The following FAM171A1 variants were observed in gnomAD, a reference collection of about 807,000 sequenced individuals.
FAM171A1 encodes the protein protein FAM171A1.
Under a neutral mutation model 74.9 loss-of-function variants are expected in FAM171A1, and 23 were observed. That is an observed-to-expected ratio of 0.31 (90% confidence interval 0.22 to 0.44). FAM171A1 has a LOEUF of 0.44. FAM171A1 is among the 20% of genes least tolerant of loss of function. The pLI is 1.00. For missense variants in FAM171A1, 1,162 were observed against 1,159.2 expected, an observed-to-expected ratio of 1.00 and a Z score of -0.03; for synonymous variants, 527 against 505.7, an observed-to-expected ratio of 1.04 and a Z score of -0.57.
chr10:15,351,567 C>G (rs920739151), intron 1 of FAM171A1, among the ~76,000 whole-genome samples: 5 of 146,350 alleles, frequency 3.4e-5, no homozygotes, highest in Admixed American at 6.8e-5. Flanking sequence ...AAAGTAGGGA[C>G]GATGGATGGA....
At chr10:15,266,672 C>A (rs1588521635) in intron 3 of FAM171A1, among the ~76,000 whole-genome samples, 1 of 151,954 alleles carries the variant, frequency 6.6e-6, no homozygotes, top group East Asian at 1.9e-4. Context: ...TCGAGACCAG[C>A]TTGGGCAACA....
At chr10:15,254,425 G>A (rs1201572665) in intron 4 of FAM171A1, among the ~76,000 whole-genome samples, 1 of 152,212 alleles carries the variant, frequency 6.6e-6, no homozygotes, top group African/African-American at 2.4e-5. Flanking sequence ...ATTTCAATAA[G>A]AATTTCTCTG....
intron 1 of FAM171A1, among the ~76,000 whole-genome samples, chr10:15,356,340 C>T (rs1015061412): frequency 6.6e-6 from 1 of 151,860 alleles, no homozygotes; most frequent in Non-Finnish European, 1.5e-5. Flanking sequence ...GAAAATTTCT[C>T]ATATATTTTC....
At chr10:15,293,885 C>T (rs1389704871) in intron 1 of FAM171A1, among the ~76,000 whole-genome samples, 1 of 152,182 alleles carries the variant, frequency 6.6e-6, no homozygotes, top group Non-Finnish European at 1.5e-5. Flanking sequence ...AGTCTTCCTC[C>T]CTTTGAGGAA....
chr10:15,315,732 C>T (rs996236484), intron 1 of FAM171A1, among the ~76,000 whole-genome samples: 1 of 152,112 alleles, frequency 6.6e-6, no homozygotes, highest in African/African-American at 2.4e-5. Flanking sequence ...ACCTGGTGTC[C>T]CCCCAACTCC....
Position 15,235,812 on chromosome 10 carries a change from G to A in FAM171A1, c.754+12827C>T, listed in dbSNP as rs569584231. Among the ~76,000 whole-genome samples, 17 of 152,272 alleles carry A rather than the reference G, an allele frequency of 1.1e-4. No individual in the cohort carries two copies. In the South Asian group the frequency reaches 3.5e-3, roughly 32 times the overall value. ...ATGATTCCCAGGCCTCAAAGAAGCG[G>A]TCTGGATCTACAGGCTTCAGTGGGA... is the stretch of plus-strand genomic sequence containing the variant. On this transcript the variant is annotated intron_variant, in intron 5 of 7. Transcript: ENST00000378116.
intron 1 of FAM171A1, among the ~76,000 whole-genome samples, chr10:15,313,397 C>T (rs1835387023): frequency 6.6e-6 from 1 of 152,220 alleles, no homozygotes; most frequent in Non-Finnish European, 1.5e-5. Flanking sequence ...CTAAAATTTT[C>T]CCTCTTGGAA....
chr10:15,331,257 G>A (rs7090124), intron 1 of FAM171A1, among the ~76,000 whole-genome samples: 42 of 152,298 alleles, frequency 2.8e-4, no homozygotes, highest in African/African-American at 8.9e-4. Flanking sequence ...CCCTGTGGAG[G>A]GGAGGCGTCA....
At chr10:15,252,238 T>C (rs540804725) in intron 4 of FAM171A1, among the ~76,000 whole-genome samples, 2 of 152,272 alleles carry the variant, frequency 1.3e-5, no homozygotes, top group South Asian at 4.1e-4. Flanking sequence ...AAAGAGAAGA[T>C]GCTTCTCCAC....
At chr10:15,263,855 CT>C (rs1834699483) in intron 3 of FAM171A1, among the ~76,000 whole-genome samples, 635 of 12,476 alleles carry the variant, frequency 0.051, no homozygotes, top group African/African-American at 0.11. Context: ...TCTCATCTAT[CT>C]ATCTATCTAT....
chr10:15,251,402 A>C (rs1269154726), intron 4 of FAM171A1, among the ~76,000 whole-genome samples: 2 of 132,484 alleles, frequency 1.5e-5, no homozygotes, highest in East Asian at 2.1e-4. Context: ...TTCTGCAACG[A>C]TTTTTTTTTT....
intron 2 of FAM171A1, among the ~76,000 whole-genome samples, chr10:15,276,203 G>A (rs1231180600): frequency 2.7e-5 from 4 of 150,428 alleles, no homozygotes; most frequent in Non-Finnish European, 5.9e-5. Context: ...TTTTTTCTGA[G>A]ACGGACTCTC....
rs116613799 is a variant in FAM171A1 at position 15,331,449 on chromosome 10, T to C, written c.97+39507A>G. On this transcript the variant is annotated intron_variant, in intron 1 of 7. Transcript: ENST00000378116. ...GACAGTTCTGGAAGTATCTCCCACC[T>C]ATGAACACAGATGGGCACAGCAGGC... 4.2e-3 allele frequency among the ~76,000 whole-genome samples: 645 copies of C among 152,184 alleles called. 6 individuals are homozygous for C. Among genetic ancestry groups the C allele is most frequent in the African/African-American group, 0.015 (621 of 41,510 alleles).
intron 1 of FAM171A1, among the ~76,000 whole-genome samples, chr10:15,317,249 G>T (rs951820446): frequency 1.3e-5 from 2 of 152,100 alleles, no homozygotes; most frequent in Non-Finnish European, 2.9e-5. Context: ...GACAGGGGTC[G>T]CATTCAGCTT....
rs184404761 is a variant in FAM171A1, at chr10:15,361,632, G to A, written c.97+9324C>T. ...CAGGAGGCAGAGGCTGCAGTGAGCC[G>A]AGATTATGCCATGGCACTCCAGCCT... On this transcript the variant is annotated intron_variant, in intron 1 of 7. Coordinates refer to ENST00000378116, the MANE Select transcript of FAM171A1 (RefSeq NM_001010924.2). Among the ~76,000 whole-genome samples the A allele has an allele frequency of 2.5e-3, 380 of 152,212 alleles. 2 individuals are homozygous for A. Among genetic ancestry groups the A allele is most frequent in the African/African-American group, 8.9e-3 (369 of 41,522 alleles).
intron 5 of FAM171A1, among the ~76,000 whole-genome samples, chr10:15,229,069 C>A (rs1834147936): frequency 6.6e-6 from 1 of 152,182 alleles, no homozygotes; most frequent in African/African-American, 2.4e-5. Flanking sequence ...AATGCCACAG[C>A]CACTCAGAAA....
At chr10:15,322,442 T>C (rs546604509) in intron 1 of FAM171A1, among the ~76,000 whole-genome samples, 1 of 152,334 alleles carries the variant, frequency 6.6e-6, no homozygotes, top group South Asian at 2.1e-4. Context: ...TTAAAGGAAT[T>C]GTCTTAAGGG....
At chr10:15,276,068 A>G in intron 2 of FAM171A1, 121 bp from the exon 3 acceptor site, 2 of 618,678 alleles carry the variant, frequency 3.2e-6, no homozygotes, top group East Asian at 2.8e-5. Context: ...AATACAATTA[A>G]TTTTTAGTTA....
chr10:15,219,872 G>T (rs1469608251), intron 6 of FAM171A1, among the ~76,000 whole-genome samples: 1 of 152,218 alleles, frequency 6.6e-6, no homozygotes, highest in African/African-American at 2.4e-5. Flanking sequence ...GAGCCACCGC[G>T]CCCGGCTAAG....
Sources: gnomAD v4.1 joint callset for allele counts (sites outside exome capture counted in the v4.1 genomes callset) on GRCh38, gnomAD v4.1.1 for gene constraint, MANE v1.5 for transcripts, NCBI Gene and HGNC (gene_info 2026-07-23, HGNC 2026-07-21) for gene names.